The following ANK2 variants were observed in gnomAD, a reference collection of about 807,000 sequenced individuals.
ANK2 encodes ankyrin-2.
Under a neutral mutation model 360.5 loss-of-function variants are expected in ANK2, and 83 were observed. The observed-to-expected ratio is 0.23, with a 90% CI of 0.19 to 0.28. ANK2 has a LOEUF of 0.28. Among genes scored for constraint, ANK2 ranks in the 10% least tolerant of loss-of-function variants. ANK2 has a pLI of 1.00. For synonymous variants in ANK2, 1,740 were observed against 1,759.5 expected (o/e 0.99, Z 0.28); for missense variants, 4,201 against 4,795.7 (o/e 0.88, Z 3.66).
At chr4:112,874,530 T>C (rs954578927) in intron 1 of ANK2, among the ~76,000 whole-genome samples, 1 of 150,186 alleles carries the variant, frequency 6.7e-6, no homozygotes, top group African/African-American at 2.5e-5. Flanking sequence ...TAATCCCAGC[T>C]ACTTGGGAGG....
intron 15 of ANK2, among the ~76,000 whole-genome samples, chr4:113,275,147 A>C (rs919424366): frequency 1.3e-5 from 2 of 152,160 alleles, no homozygotes; most frequent in Non-Finnish European, 2.9e-5. Flanking sequence ...TTAGTTTCCA[A>C]CTTTACCAAC....
Position 113,278,464 on chromosome 4 carries a change from G to T in ANK2, c.1787G>T (p.Gly596Val). ...RAAADSAGKN[G>V]LTPLHVAAHY... ...ACTTAAACACACCCTTTACAGAACGGCCTTACCCCGCTCCATGTTGCTGCT... is the reference window on the plus strand; with the variant it reads ...ACTTAAACACACCCTTTACAGAACGTCCTTACCCCGCTCCATGTTGCTGCT... Residue 596 changes from glycine (G) to valine (V), a missense_variant, in exon 17 of 46, where the codon GGC becomes GTC. This residue lies in a region of ANK2 where 1,268 missense variants were observed against 1,650.8 expected (regional missense o/e 0.77). Transcript: ENST00000357077. 1 of 1,613,798 alleles carries T rather than the reference G, an allele frequency of 6.2e-7. No individual in the cohort carries two copies. Among genetic ancestry groups the T allele is most frequent in the East Asian group, 2.2e-5 (1 of 44,860 alleles).
rs1278837238 is a variant in ANK2 at position 113,335,997 on chromosome 4, C to G, written c.3531C>G (p.Pro1177=). ...GTGTACTGAGCAGCACAGTGGTGCC[C>G]CAGGTGCAGGCCGTCTTCCCAGAGG... ...EGGVLSSTVV[P]QVQAVFPEGA... is the part of the protein sequence containing the mutation. The change falls in exon 30 of 46, where the codon CCC becomes CCG. Residue 1177 remains proline (P), a synonymous_variant. Transcript: ENST00000357077. 1 of 1,614,090 alleles carries G rather than the reference C, an allele frequency of 6.2e-7. No homozygotes were observed. Among genetic ancestry groups the G allele is most frequent in the East Asian group, 2.2e-5 (1 of 44,866 alleles).
At chr4:112,890,896 T>A (rs912337805) in intron 1 of ANK2, among the ~76,000 whole-genome samples, 2 of 152,164 alleles carry the variant, frequency 1.3e-5, no homozygotes, top group African/African-American at 4.8e-5. Context: ...GGCTCTGCAA[T>A]GTTAGGTGCT....
intron 2 of ANK2, among the ~76,000 whole-genome samples, chr4:112,933,655 C>G (rs1399616677): frequency 6.6e-6 from 1 of 152,074 alleles, no homozygotes; most frequent in Non-Finnish European, 1.5e-5. Context: ...CATGCTCCAC[C>G]AAGCCCGGGT....
At chr4:113,351,923 CTT>C (rs1480829664) in intron 37 of ANK2, among the ~76,000 whole-genome samples, 1 of 152,140 alleles carries the variant, frequency 6.6e-6, no homozygotes, top group African/African-American at 2.4e-5. Flanking sequence ...TACCTGAAGT[CTT>C]TTTATCAGTA....
intron 2 of ANK2, among the ~76,000 whole-genome samples, chr4:112,976,372 T>G (rs2154268941): frequency 6.6e-6 from 1 of 152,240 alleles, no homozygotes; most frequent in Non-Finnish European, 1.5e-5. Context: ...TTTTGTATTT[T>G]TAGTAGAGAT....
chr4:113,262,960 C>T (rs1216470967), intron 13 of ANK2, among the ~76,000 whole-genome samples: 14 of 151,616 alleles, frequency 9.2e-5, no homozygotes, highest in Non-Finnish European at 1.5e-4. Context: ...GAGGCCGAGG[C>T]GGGTGGATCA....
At chr4:113,346,546 A>T in intron 35 of ANK2, among the ~76,000 whole-genome samples, 1 of 152,128 alleles carries the variant, frequency 6.6e-6, no homozygotes, top group Non-Finnish European at 1.5e-5. Flanking sequence ...CTTCGAACTT[A>T]TCATATTTTA....
intron 1 of ANK2, among the ~76,000 whole-genome samples, chr4:112,903,924 A>G (rs2150911496): frequency 6.6e-6 from 1 of 152,330 alleles, no homozygotes; most frequent in Non-Finnish European, 1.5e-5. Context: ...TAGATACGAT[A>G]TATGAGATGG....
chr4:113,278,071 GATGTCTT>G, intron 16 of ANK2, 136 bp downstream of exon 16: 1 of 879,834 alleles, frequency 1.1e-6, no homozygotes. Flanking sequence ...ACATGGTGGC[GATGTCTT>G]CCATGACCGT....
intron 45 of ANK2, among the ~76,000 whole-genome samples, chr4:113,375,315 A>G (rs549436978): frequency 6.6e-6 from 1 of 152,244 alleles, no homozygotes; most frequent in Admixed American, 6.5e-5. Flanking sequence ...TTTGCTAGCC[A>G]GTCTTTTCAA....
intron 1 of ANK2, among the ~76,000 whole-genome samples, chr4:112,899,881 A>G (rs2082782494): frequency 6.6e-6 from 1 of 152,180 alleles, no homozygotes; most frequent in Admixed American, 6.5e-5. Flanking sequence ...CCCCCTGCAC[A>G]CTGTAGACTC....
At chr4:113,238,033 GC>G (rs1213891672) in intron 7 of ANK2, among the ~76,000 whole-genome samples, 1 of 151,834 alleles carries the variant, frequency 6.6e-6, no homozygotes, top group East Asian at 1.9e-4. Context: ...AATTGCTGTT[GC>G]CCTTTTTTTT....
upstream of ANK2, among the ~76,000 whole-genome samples, chr4:113,045,161 G>A (rs313940): frequency 0.6 from 91,949 of 152,048 alleles, 28,464 homozygotes; most frequent in Non-Finnish European, 0.68. Context: ...TTTAAATAGT[G>A]TGTTAGAGTT....
At chr4:112,842,764 G>C (rs2166867) in intron 1 of ANK2, among the ~76,000 whole-genome samples, 104,082 of 152,096 alleles carry the variant, frequency 0.68, 35,981 homozygotes, top group East Asian at 0.97. Context: ...ACTGGGGACC[G>C]CTGCCTTAAT....
chr4:112,914,266 A>G (rs919789573), intron 2 of ANK2, among the ~76,000 whole-genome samples: 1 of 152,222 alleles, frequency 6.6e-6, no homozygotes, highest in African/African-American at 2.4e-5. Flanking sequence ...TACTGTTATT[A>G]TATCAGTCAT....
intron 23 of ANK2, among the ~76,000 whole-genome samples, chr4:113,303,723 G>GA (rs971281941): frequency 2.0e-5 from 3 of 151,826 alleles, no homozygotes; most frequent in Non-Finnish European, 2.9e-5. Flanking sequence ...AAAAAAGAAA[G>GA]AAAAAAAATC....
intron 1 of ANK2, among the ~76,000 whole-genome samples, chr4:112,867,713 C>T (rs767565721): frequency 1.4e-5 from 2 of 146,498 alleles, no homozygotes; most frequent in South Asian, 4.4e-4. Flanking sequence ...CTAGATTTAT[C>T]CATGTTGTCA....
Sources: gnomAD v4.1 joint callset for allele counts (sites outside exome capture counted in the v4.1 genomes callset) on GRCh38, gnomAD v4.1.1 for gene constraint, gnomAD v4.1.1 regional missense constraint, MANE v1.5 for transcripts, NCBI Gene and HGNC (gene_info 2026-07-23, HGNC 2026-07-21) for gene names.